NTM: variants seen among roughly 807,000 people sequenced by gnomAD.
NTM encodes IgLON family member 2.
Under a neutral mutation model 42.1 loss-of-function variants are expected in NTM, and 13 were observed. The ratio of observed to expected loss-of-function variants is 0.31; its 90% confidence interval spans 0.20 to 0.49. The LOEUF is 0.49. NTM is among the 20% of genes least tolerant of loss of function. NTM has a pLI of 0.99. For synonymous variants in NTM, 187 were observed against 179.2 expected, an observed-to-expected ratio of 1.04 and a Z score of -0.35; for missense variants, 373 against 452.8, an observed-to-expected ratio of 0.82 and a Z score of 1.60.
intron 1 of NTM, among the ~76,000 whole-genome samples, chr11:131,884,181 G>A (rs185301815): frequency 3.9e-5 from 6 of 152,008 alleles, no homozygotes; most frequent in Non-Finnish European, 5.9e-5. Context: ...AGGCTGAGGC[G>A]GGCAGATCAC....
intron 2 of NTM, among the ~76,000 whole-genome samples, chr11:131,924,576 G>T (rs1266055275): frequency 6.6e-6 from 1 of 152,122 alleles, no homozygotes; most frequent in East Asian, 1.9e-4. Flanking sequence ...CATCCCCTGT[G>T]AAATTCTTTA....
At chr11:132,063,327 G>A (rs1430798063) in intron 2 of NTM, among the ~76,000 whole-genome samples, 1 of 152,196 alleles carries the variant, frequency 6.6e-6, no homozygotes, top group African/African-American at 2.4e-5. Context: ...GAATAGCAAA[G>A]TCAGATTAAC....
chr11:131,893,331 C>T (rs1482027801), intron 1 of NTM, among the ~76,000 whole-genome samples: 2 of 152,288 alleles, frequency 1.3e-5, no homozygotes, highest in East Asian at 3.9e-4. Flanking sequence ...GAGTCAGTTT[C>T]CTCCTTCGTA....
intron 4 of NTM, among the ~76,000 whole-genome samples, chr11:132,242,433 G>T (rs1361139271): frequency 1.3e-5 from 2 of 152,148 alleles, no homozygotes; most frequent in African/African-American, 4.8e-5. Context: ...AAAAATGGTG[G>T]GTGGGGACAG....
intron 1 of NTM, among the ~76,000 whole-genome samples, chr11:131,409,437 A>AGTTAACTGGGACCGCCCT (rs936018058): frequency 8.5e-5 from 13 of 152,310 alleles, no homozygotes; most frequent in Middle Eastern, 3.4e-3. Context: ...GTCCCACGGT[A>AGTTAACTGGGACCGCCCT]GTTAACTGGG....
chr11:132,132,874 A>G (rs150013635), intron 2 of NTM, among the ~76,000 whole-genome samples: 10 of 152,322 alleles, frequency 6.6e-5, no homozygotes, highest in Middle Eastern at 3.4e-3. Flanking sequence ...ATCGCAGGTA[A>G]AATATATGAA....
chr11:132,298,207 G>A (rs907180233), intron 4 of NTM, among the ~76,000 whole-genome samples: 1 of 152,196 alleles, frequency 6.6e-6, no homozygotes, highest in Non-Finnish European at 1.5e-5. Context: ...TAGAAAAAGG[G>A]AAAGCAAACA....
At chr11:131,402,518 C>T (rs1256766950) in intron 1 of NTM, among the ~76,000 whole-genome samples, 1 of 151,928 alleles carries the variant, frequency 6.6e-6, no homozygotes, top group African/African-American at 2.4e-5. Context: ...AGGAGTCACA[C>T]AGAAGATGGA....
At chr11:131,998,731 A>G (rs551528216) in intron 2 of NTM, among the ~76,000 whole-genome samples, 4 of 152,070 alleles carry the variant, frequency 2.6e-5, no homozygotes, top group Non-Finnish European at 5.9e-5. Context: ...TTCTTGCCTT[A>G]CCTTCTTTCT....
At chr11:132,024,035 G>A (rs189822661) in intron 2 of NTM, among the ~76,000 whole-genome samples, 1 of 151,878 alleles carries the variant, frequency 6.6e-6, no homozygotes, top group African/African-American at 2.4e-5. Flanking sequence ...TAGCCAGGAG[G>A]TCTCGATCTC....
At chr11:131,891,452 G>A (rs1358785329) in intron 1 of NTM, among the ~76,000 whole-genome samples, 1 of 152,160 alleles carries the variant, frequency 6.6e-6, no homozygotes, top group Non-Finnish European at 1.5e-5. Flanking sequence ...AAATGGTGTG[G>A]TGACTTGACT....
chr11:132,210,616 C>G (rs1045963786), intron 3 of NTM, among the ~76,000 whole-genome samples: 1 of 152,126 alleles, frequency 6.6e-6, no homozygotes, highest in Non-Finnish European at 1.5e-5. Flanking sequence ...ACACATAAGA[C>G]AGATAAGTAG....
chr11:132,019,678 A>ATCCTGT (rs2074024968), intron 2 of NTM, among the ~76,000 whole-genome samples: 1 of 151,988 alleles, frequency 6.6e-6, no homozygotes, highest in Non-Finnish European at 1.5e-5. Flanking sequence ...TGCATGGTAT[A>ATCCTGT]TATATTCATC....
intron 2 of NTM, among the ~76,000 whole-genome samples, chr11:132,060,634 C>G (rs150203453): frequency 1.3e-5 from 2 of 152,198 alleles, no homozygotes; most frequent in South Asian, 4.1e-4. Context: ...CATAGAAAAT[C>G]AAACACAGAC....
chr11:131,671,425 A>G, intron 1 of NTM: 2 of 985,250 alleles, frequency 2.0e-6, no homozygotes, highest in African/African-American at 1.7e-5. Flanking sequence ...GATCCACCAC[A>G]GCTCCTGCTT....
intron 1 of NTM, among the ~76,000 whole-genome samples, chr11:131,487,620 A>G (rs1296062821): frequency 6.6e-6 from 1 of 152,230 alleles, no homozygotes. Flanking sequence ...AAGTGAAGAT[A>G]TGGTATTGAG....
chr11:132,220,378 G>C (rs939539740), intron 4 of NTM, among the ~76,000 whole-genome samples: 3 of 152,178 alleles, frequency 2.0e-5, no homozygotes, highest in African/African-American at 7.2e-5. Flanking sequence ...ATTACTGCTA[G>C]ATAGATGCAG....
At chr11:132,117,084 C>T (rs550316516) in intron 2 of NTM, among the ~76,000 whole-genome samples, 1 of 152,202 alleles carries the variant, frequency 6.6e-6, no homozygotes, top group Non-Finnish European at 1.5e-5. Context: ...CAGAATGACT[C>T]ACATTCATTT....
chr11:131,641,183 T>C (rs1340692353), intron 1 of NTM, among the ~76,000 whole-genome samples: 1 of 152,256 alleles, frequency 6.6e-6, no homozygotes, highest in African/African-American at 2.4e-5. Flanking sequence ...CGATCATGTT[T>C]TCCTTGTTCA....
Sources: allele counts gnomAD v4.1 joint callset (sites outside exome capture counted in the v4.1 genomes callset), GRCh38; gene constraint gnomAD v4.1.1; transcripts MANE v1.5; gene names NCBI Gene and HGNC (gene_info 2026-07-23, HGNC 2026-07-21).